The following ZNF827 variants were observed in gnomAD, a reference collection of about 807,000 sequenced individuals.
ZNF827 encodes the protein zinc finger protein 827.
A neutral mutation model predicts 102.4 loss-of-function variants in ZNF827; 13 were observed. That is an observed-to-expected ratio of 0.13 (90% confidence interval 0.08 to 0.20). The LOEUF (loss-of-function observed/expected upper bound fraction) is 0.20. Among genes scored for constraint, ZNF827 ranks in the 10% least tolerant of loss-of-function variants. The probability of loss-of-function intolerance (pLI) is 1.00; values close to 1 mark genes in which losing one functional copy is unlikely to be tolerated. For synonymous variants in ZNF827, 523 were observed against 536.2 expected (o/e 0.98, Z 0.34); for missense variants, 1,103 against 1,344.4 (o/e 0.82, Z 2.81).
rs1025013195 is a variant in ZNF827, at chr4:145,759,897, CATATAT to C, written c.*1713_*1718del. Reference sequence around the variant, plus strand: ...TGGTAACCACTGAATTAATACATCTCATATATATATATAATCTGCCCTTAAAAAATG... The same window carrying C: ...TGGTAACCACTGAATTAATACATCTCATATATAATCTGCCCTTAAAAAATG... On this transcript the variant is annotated 3_prime_UTR_variant, in exon 15 of 15. Transcript: ENST00000508784. 3 of 151,716 alleles carry C rather than the reference CATATAT, an allele frequency of 2.0e-5. No homozygotes were observed. The South Asian group carries it at 6.2e-4, about 32-fold the overall frequency. The allele number at this position is 151,716 out of a possible 1,614,324, so 9.4% of individuals were successfully genotyped here.
At chr4:145,857,323 C>G (rs920781990) in intron 5 of ZNF827, among the ~76,000 whole-genome samples, 13 of 152,314 alleles carry the variant, frequency 8.5e-5, no homozygotes, top group African/African-American at 3.1e-4. Context: ...AGCTCAAACT[C>G]TACAGGTAAA....
At chr4:145,871,481 C>A (rs1405993343) in intron 4 of ZNF827, among the ~76,000 whole-genome samples, 1 of 152,152 alleles carries the variant, frequency 6.6e-6, no homozygotes, top group East Asian at 1.9e-4. Context: ...AAGGAAGAGA[C>A]AAGCACCCTC....
At chr4:145,937,568 G>GCGCCCCGGCGCGCCCCCT (rs991092128) in intron 1 of ZNF827, among the ~76,000 whole-genome samples, 1 of 144,008 alleles carries the variant, frequency 6.9e-6, no homozygotes, top group South Asian at 2.1e-4. Context: ...CGGCCGCCCC[G>GCGCCCCGGCGCGCCCCCT]CGCCCCGGCG....
chr4:145,769,913 A>G (rs1399023626), intron 11 of ZNF827, among the ~76,000 whole-genome samples: 17 of 152,250 alleles, frequency 1.1e-4, no homozygotes, highest in Admixed American at 1.1e-3. Context: ...CTTCCTCAAT[A>G]CAGACACTGT....
chr4:145,882,067 C>A (rs1250112882), intron 4 of ZNF827, among the ~76,000 whole-genome samples: 4 of 152,156 alleles, frequency 2.6e-5, no homozygotes, highest in African/African-American at 7.2e-5. Context: ...AATGTGCAGC[C>A]GAGGTTAAGA....
intron 3 of ZNF827, among the ~76,000 whole-genome samples, chr4:145,886,915 T>C (rs555534978): frequency 1.2e-4 from 18 of 152,322 alleles, no homozygotes; most frequent in Middle Eastern, 3.4e-3. Context: ...CCTGTAAAAA[T>C]TGGGAGAAAC....
chr4:145,845,842 G>A (rs757943741), intron 7 of ZNF827, 114 bp downstream of exon 7: 142 of 1,007,222 alleles, frequency 1.4e-4, no homozygotes, highest in South Asian at 6.4e-4. Flanking sequence ...GGTAAAGGGT[G>A]TGACTCCTTT....
In ZNF827 at chr4:145,914,667, A is replaced by G. The variant is rs116499549; in HGVS notation, c.44-11452T>C. Among the ~76,000 whole-genome samples the G allele has an allele frequency of 9.1e-3, 1,390 of 152,342 alleles. 21 individuals carry two copies. Among genetic ancestry groups the G allele is most frequent in the Non-Finnish European group, 0.014 (952 of 68,032 alleles). On this transcript the variant is annotated intron_variant, in intron 1 of 14. Coordinates refer to ENST00000508784, the MANE Select transcript of ZNF827 (RefSeq NM_001306215.2). ...TAACAAAAACTGCAATCAACCAACA[A>G]GCTAAGGTAATTCCAAGGGCCAGGA...
At chr4:145,849,237 GTTT>G (rs71973224) in intron 6 of ZNF827, 82 bp downstream of exon 6, 32,328 of 1,342,792 alleles carry the variant, frequency 0.024, 1,247 homozygotes, top group East Asian at 0.18. Context: ...TATAATTCAG[GTTT>G]TTTTTTTTAA....
At position 145,846,678 on chromosome 4, in the gene ZNF827, A is replaced by G. The variant is rs112856043; in HGVS notation, c.2222-665T>C. 1.5e-3 allele frequency among the ~76,000 whole-genome samples: 208 copies of G among 134,586 alleles called. 5 individuals carry two copies. Among genetic ancestry groups the G allele is most frequent in the African/African-American group, 4.8e-3 (162 of 33,706 alleles). The allele number at this position is 134,586 out of a possible 152,430, so 88.3% of individuals were successfully genotyped here. ...CTAAAAATACAAAAATTAGCAGGGC[A>G]TGATGGCGCGTGCCTGTAGTCCCAG... On this transcript the variant is annotated intron_variant, in intron 6 of 14. Transcript: ENST00000508784.
intron 2 of ZNF827, among the ~76,000 whole-genome samples, chr4:145,900,995 A>T (rs1751362749): frequency 6.6e-6 from 1 of 152,170 alleles, no homozygotes; most frequent in Non-Finnish European, 1.5e-5. Context: ...AGTCCCAGAT[A>T]CCCATTTTCC....
At chr4:145,808,348 A>G (rs1741689007) in intron 8 of ZNF827, among the ~76,000 whole-genome samples, 1 of 151,976 alleles carries the variant, frequency 6.6e-6, no homozygotes, top group South Asian at 2.1e-4. Context: ...TCCCATTCCT[A>G]TAATACAGCT....
In ZNF827 at chr4:145,849,481, T is replaced by G. The variant is rs374945837; in HGVS notation, c.2062A>C (p.Ile688Leu). 1.9e-6 allele frequency: 3 copies of G among 1,614,070 alleles called. No individual in the cohort carries two copies. In the African/African-American group the frequency reaches 4.0e-5, roughly 22 times the overall value. The change falls in exon 6 of 15, where the codon ATA (isoleucine) becomes CTA (leucine). Residue 688 changes from isoleucine to leucine, a missense_variant. Transcript: ENST00000508784. ...TAGCCAACATTCCGGCTGGGTGATA[T>G]CGAGACATGGGAGTCCTGGATGTCA... is the stretch of plus-strand genomic sequence containing the variant. The part of the protein sequence containing the change: ...EVDIQDSHVS[I>L]SPSRNVGYST...
At chr4:145,784,661 T>A (rs1738591758) in intron 8 of ZNF827, among the ~76,000 whole-genome samples, 1 of 152,226 alleles carries the variant, frequency 6.6e-6, no homozygotes, top group Non-Finnish European at 1.5e-5. Context: ...AAAGTGCACA[T>A]ATCAATAACT....
chr4:145,837,166 T>C (rs1297543012), intron 7 of ZNF827, among the ~76,000 whole-genome samples: 1 of 152,202 alleles, frequency 6.6e-6, no homozygotes, highest in Non-Finnish European at 1.5e-5. Flanking sequence ...GAGCCTTTAT[T>C]AGTCAAATCA....
chr4:145,841,727 T>C (rs1017433701), intron 7 of ZNF827, among the ~76,000 whole-genome samples: 1 of 152,180 alleles, frequency 6.6e-6, no homozygotes, highest in African/African-American at 2.4e-5. Flanking sequence ...AGTGCCCCGA[T>C]GAGGACACAA....
chr4:145,847,796 AT>A (rs1746132287), intron 6 of ZNF827, among the ~76,000 whole-genome samples: 1 of 152,218 alleles, frequency 6.6e-6, no homozygotes, highest in South Asian at 2.1e-4. Context: ...AATCTTGTGG[AT>A]TTTTGGAAAA....
At chr4:145,876,181 G>A (rs970211974) in intron 4 of ZNF827, among the ~76,000 whole-genome samples, 1 of 152,144 alleles carries the variant, frequency 6.6e-6, no homozygotes, top group African/African-American at 2.4e-5. Context: ...TCCTACTAGA[G>A]CCTATAAACA....
chr4:145,848,309 G>A (rs1376209388), intron 6 of ZNF827, among the ~76,000 whole-genome samples: 1 of 152,198 alleles, frequency 6.6e-6, no homozygotes, highest in Non-Finnish European at 1.5e-5. Context: ...AGGACCTGGA[G>A]GCCACCATTT....
Sources: allele counts gnomAD v4.1 joint callset (sites outside exome capture counted in the v4.1 genomes callset), GRCh38; gene constraint gnomAD v4.1.1; transcripts MANE v1.5; gene names NCBI Gene and HGNC (gene_info 2026-07-23, HGNC 2026-07-21).